The following SLC24A4 variants were observed in gnomAD, a reference collection of about 807,000 sequenced individuals.
SLC24A4 encodes the protein solute carrier family 24 member 4, also known as sodium/potassium/calcium exchanger 4.
Under a neutral mutation model 79.0 loss-of-function variants are expected in SLC24A4, and 53 were observed. The observed-to-expected ratio is 0.67, with a 90% CI of 0.54 to 0.84. The LOEUF is 0.84. SLC24A4 is among the 40% of genes least tolerant of loss of function. SLC24A4 has a pLI of 0.00. For synonymous variants in SLC24A4, 323 were observed against 323.8 expected, an observed-to-expected ratio of 1.00 and a Z score of 0.03; for missense variants, 731 against 822.0, an observed-to-expected ratio of 0.89 and a Z score of 1.35.
intron 2 of SLC24A4, among the ~76,000 whole-genome samples, chr14:92,415,067 C>CGAT (rs1386787615): frequency 6.6e-6 from 1 of 152,136 alleles, no homozygotes; most frequent in Non-Finnish European, 1.5e-5. Flanking sequence ...TGAAAGGCGA[C>CGAT]GGTTCACCTC....
chr14:92,483,970 G>A, intron 13 of SLC24A4: 1 of 985,362 alleles, frequency 1.0e-6, no homozygotes, highest in Non-Finnish European at 1.2e-6. Context: ...GTTTGGTGGG[G>A]AACAAAGGAT....
In SLC24A4 at chr14:92,474,827, A is replaced by ATGTGTGTG. The variant is rs1484148777; in HGVS notation, c.1256-7852_1256-7851insGTGTGTGT. 8.9e-3 allele frequency among the ~76,000 whole-genome samples: 690 copies of ATGTGTGTG among 77,214 alleles called. 42 individuals carry two copies. Among genetic ancestry groups the ATGTGTGTG allele is most frequent in the African/African-American group, 0.024 (511 of 21,162 alleles). The allele number at this position is 77,214 out of a possible 152,430, so 50.7% of individuals were successfully genotyped here. ...TACATATATACATATATATACATAT[A>ATGTGTGTG]TATGTGTGTGTGTGTGTATATATAT... On this transcript the variant is annotated intron_variant, in intron 12 of 16. Transcript: ENST00000532405.
intron 10 of SLC24A4, among the ~76,000 whole-genome samples, chr14:92,449,592 T>C (rs1046810762): frequency 6.6e-6 from 1 of 152,232 alleles, no homozygotes. Context: ...GCTGAGGAGC[T>C]GGGGCAGCAG....
At chr14:92,406,799 T>TGGG (rs80290538) in intron 2 of SLC24A4, among the ~76,000 whole-genome samples, 152 of 151,948 alleles carry the variant, frequency 1.0e-3, no homozygotes, top group Middle Eastern at 3.4e-3. Context: ...AGGCTTGTGA[T>TGGG]GGGGGGGTCT....
intron 2 of SLC24A4, among the ~76,000 whole-genome samples, chr14:92,361,981 T>G (rs1887557839): frequency 6.6e-6 from 1 of 152,140 alleles, no homozygotes; most frequent in Admixed American, 6.5e-5. Context: ...GGAGGACCCT[T>G]GAGTGATTCC....
chr14:92,371,508 C>G (rs971481643), intron 2 of SLC24A4, among the ~76,000 whole-genome samples: 3 of 152,184 alleles, frequency 2.0e-5, no homozygotes, highest in Non-Finnish European at 4.4e-5. Flanking sequence ...AGATTCCACT[C>G]TATACAGATG....
intron 2 of SLC24A4, among the ~76,000 whole-genome samples, chr14:92,427,664 T>C (rs1321137440): frequency 6.6e-6 from 1 of 151,328 alleles, no homozygotes; most frequent in Non-Finnish European, 1.5e-5. Flanking sequence ...TCAGTGAGTG[T>C]TCCCTGCAGG....
intron 2 of SLC24A4, among the ~76,000 whole-genome samples, chr14:92,365,464 C>T (rs777391490): frequency 6.6e-5 from 10 of 152,200 alleles, no homozygotes; most frequent in Admixed American, 2.0e-4. Context: ...CACCCCAATC[C>T]CCGGGGACCG....
intron 12 of SLC24A4, among the ~76,000 whole-genome samples, chr14:92,473,497 C>A (rs1397417267): frequency 2.0e-5 from 3 of 152,238 alleles, no homozygotes; most frequent in Non-Finnish European, 2.9e-5. Context: ...AAGCTCCTCC[C>A]TGCTGTTTCT....
rs181890607 is a variant in SLC24A4, at chr14:92,379,213, T to C, written c.241+53235T>C. On this transcript the variant is annotated intron_variant, in intron 2 of 16. Coordinates refer to ENST00000532405, the MANE Select transcript of SLC24A4 (RefSeq NM_153646.4). ...CTCTGGTTTAGTGAGAGGTGGGGGA[T>C]GACCTGGAAATCGATCTTGAGTCTT... Among the ~76,000 whole-genome samples the C allele has an allele frequency of 1.2e-4, 19 of 152,328 alleles. No homozygotes were observed. The East Asian group carries it at 2.9e-3, about 23-fold the overall frequency.
At chr14:92,343,487 C>G (rs1356141360) in intron 2 of SLC24A4, among the ~76,000 whole-genome samples, 1 of 152,224 alleles carries the variant, frequency 6.6e-6, no homozygotes, top group African/African-American at 2.4e-5. Flanking sequence ...CTTCTCTCTG[C>G]CTCCCAGACC....
intron 2 of SLC24A4, among the ~76,000 whole-genome samples, chr14:92,418,074 C>A (rs574135765): frequency 6.6e-6 from 1 of 152,196 alleles, no homozygotes. Context: ...TGTGTCCTCC[C>A]AAATATAATG....
chr14:92,403,773 A>T (rs1890233419), intron 2 of SLC24A4, among the ~76,000 whole-genome samples: 1 of 151,994 alleles, frequency 6.6e-6, no homozygotes, highest in African/African-American at 2.4e-5. Flanking sequence ...TTTCTTGTAC[A>T]TCTTTCTAAT....
At chr14:92,351,720 C>T (rs769013662) in intron 2 of SLC24A4, among the ~76,000 whole-genome samples, 59 of 152,072 alleles carry the variant, frequency 3.9e-4, no homozygotes, top group Middle Eastern at 3.4e-3. Context: ...AAAAATTACC[C>T]AGGTGTGATG....
chr14:92,492,857 C>CA (rs1198700148), intron 16 of SLC24A4: 1 of 455,720 alleles, frequency 2.2e-6, no homozygotes, highest in Middle Eastern at 3.9e-4. Flanking sequence ...GATCCAGCCC[C>CA]AGGAAGCCTT....
chr14:92,366,599 T>C (rs1460189647), intron 2 of SLC24A4, among the ~76,000 whole-genome samples: 4 of 152,152 alleles, frequency 2.6e-5, no homozygotes, highest in Non-Finnish European at 5.9e-5. Context: ...CCTGAAATAA[T>C]ACCCTTCGCT....
At position 92,343,597 on chromosome 14, in the gene SLC24A4, T is replaced by TTTCC. The variant is rs1248871542; in HGVS notation, c.241+17622_241+17623insCTTC. ...AATTACTGTTTTCTTTCTTTCTTTCTTTCTTTCTTTCTTTCTTTCTTTCTT... is the reference window on the plus strand; with the variant it reads ...AATTACTGTTTTCTTTCTTTCTTTCTTTCCTTCTTTCTTTCTTTCTTTCTTTCTT... On this transcript the variant is annotated intron_variant, in intron 2 of 16. Transcript: ENST00000532405. 2.1e-3 allele frequency among the ~76,000 whole-genome samples: 285 copies of TTTCC among 137,034 alleles called. 2 individuals carry two copies. Among genetic ancestry groups the TTTCC allele is most frequent in the African/African-American group, 7.5e-3 (273 of 36,626 alleles). 89.9% of individuals were successfully genotyped at this position (137,034 alleles called of 152,430 possible). A position where few individuals can be genotyped will look rare whatever the true frequency, so the allele number is the denominator to read the frequency against.
rs1404177998 is a variant in SLC24A4, at chr14:92,330,566, A to C, written c.241+4588A>C. Among the ~76,000 whole-genome samples the C allele has an allele frequency of 3.9e-5, 6 of 152,364 alleles. No homozygotes were observed. In the East Asian group the frequency reaches 1.2e-3, roughly 29 times the overall value. The stretch of plus-strand genomic sequence containing the variant: ...AGTGACTCTGAGTCCCTAGAGAACT[A>C]TCTGAGCTCAGGCTGCTTTAGCAAA... On this transcript the variant is annotated intron_variant, in intron 2 of 16. Transcript: ENST00000532405.
rs114958307 is a variant in SLC24A4, at chr14:92,363,042, C to A, written c.241+37064C>A. ...GCTCTAGTTAATGAAGCTTGGAGCA[C>A]GCCAGTGGGTTTTAAAAACTAATGA... On this transcript the variant is annotated intron_variant, in intron 2 of 16. Transcript: ENST00000532405. Among the ~76,000 whole-genome samples, 503 of 152,242 alleles carry A rather than the reference C, an allele frequency of 3.3e-3. 2 individuals carry two copies. The highest frequency in any genetic ancestry group is 0.011 in the African/African-American group (442 of 41,556).
Sources: allele counts gnomAD v4.1 joint callset (sites outside exome capture counted in the v4.1 genomes callset), GRCh38; gene constraint gnomAD v4.1.1; transcripts MANE v1.5; gene names NCBI Gene and HGNC (gene_info 2026-07-23, HGNC 2026-07-21).